The following COL19A1 variants were observed in gnomAD, a reference collection of about 807,000 sequenced individuals.
COL19A1 encodes the protein collagen type XIX alpha 1 chain.
A neutral mutation model predicts 190.2 loss-of-function variants in COL19A1; 159 were observed. The ratio of observed to expected loss-of-function variants is 0.84; its 90% CI spans 0.73 to 0.95. The LOEUF is 0.95. Among genes scored for constraint, COL19A1 ranks in the 40% least tolerant of loss-of-function variants. The pLI, the probability that COL19A1 is intolerant of heterozygous loss-of-function variation, is 0.00. For synonymous variants in COL19A1, 509 were observed against 458.9 expected (o/e 1.11, Z -1.39); for missense variants, 1,418 against 1,431.9 (o/e 0.99, Z 0.16).
Position 70,208,254 on chromosome 6 carries a change from A to G in COL19A1, c.*980A>G, listed in dbSNP as rs1768010729. 6.6e-6 allele frequency: 1 copy of G among 152,242 alleles called. No homozygotes were observed. Among genetic ancestry groups the G allele is most frequent in the Non-Finnish European group, 1.5e-5 (1 of 68,066 alleles). The allele number at this position is 152,242 out of a possible 1,614,324, so 9.4% of individuals were successfully genotyped here. ...AAGACAAGAAGCCACCATCAAAACA[A>G]AGGATGGGATACGTATAGAATGGAC... is the stretch of plus-strand genomic sequence containing the variant. On this transcript the variant is annotated 3_prime_UTR_variant, in exon 51 of 51. Transcript: ENST00000620364.
chr6:70,035,128 C>T (rs1779279607), intron 13 of COL19A1, among the ~76,000 whole-genome samples: 1 of 152,178 alleles, frequency 6.6e-6, no homozygotes, highest in Non-Finnish European at 1.5e-5. Flanking sequence ...CCTGGTACCC[C>T]ACGCTATACA....
Position 70,137,748 on chromosome 6 carries a change from G to A in COL19A1, c.1446+1G>A. 2 of 1,613,056 alleles carry A rather than the reference G, an allele frequency of 1.2e-6. No individual in the cohort carries two copies. Among genetic ancestry groups the A allele is most frequent in the Non-Finnish European group, 1.7e-6 (2 of 1,179,278 alleles). On this transcript the variant is annotated splice_donor_variant, in intron 19 of 50. Transcript: ENST00000620364. LOFTEE classifies it high-confidence loss of function. ...CCCTAAAGGACAAAAAGGAGAACCT[G>A]TAAGTATTTTAGCTTTGAGGACAGA...
At chr6:70,114,330 TA>T (rs1340794286) in intron 16 of COL19A1, among the ~76,000 whole-genome samples, 1 of 152,160 alleles carries the variant, frequency 6.6e-6, no homozygotes, top group African/African-American at 2.4e-5. Context: ...TGAGGTGGTT[TA>T]GGGGAAAGAG....
chr6:70,203,384 T>C (rs1767666251), intron 49 of COL19A1, among the ~76,000 whole-genome samples: 1 of 152,202 alleles, frequency 6.6e-6, no homozygotes, highest in African/African-American at 2.4e-5. Context: ...ATACATACTG[T>C]TTGTAGGAAG....
At chr6:70,137,583 T>C (rs1785947689) in intron 18 of COL19A1, 102 bp from the exon 19 acceptor site, 1 of 1,061,254 alleles carries the variant, frequency 9.4e-7, no homozygotes, top group Non-Finnish European at 1.4e-6. Flanking sequence ...AATAGATAAA[T>C]TGTATAGTTA....
At chr6:69,880,867 C>T (rs1212965287) in intron 2 of COL19A1, among the ~76,000 whole-genome samples, 1 of 152,190 alleles carries the variant, frequency 6.6e-6, no homozygotes, top group Admixed American at 6.5e-5. Flanking sequence ...TTCTACTCTT[C>T]TGAATTTGTC....
In COL19A1 at chr6:70,161,708, C is replaced by A. The variant is rs570155532; in HGVS notation, c.2293-192C>A. 1.4e-4 allele frequency among the ~76,000 whole-genome samples: 22 copies of A among 151,872 alleles called. 1 individual carries two copies. The highest frequency in any genetic ancestry group is 8.3e-4 in the South Asian group (4 of 4,800). ...TCCACATAACCGAAAATCACTTGCA[C>A]CCCTAAAGAAAAATTTTTATTTTTG... On this transcript the variant is annotated intron_variant, in intron 34 of 50. Coordinates refer to ENST00000620364, the MANE Select transcript of COL19A1 (RefSeq NM_001858.6).
intron 4 of COL19A1, among the ~76,000 whole-genome samples, chr6:69,926,059 C>G (rs1444506726): frequency 3.9e-5 from 6 of 152,032 alleles, no homozygotes; most frequent in Non-Finnish European, 7.4e-5. Flanking sequence ...TCCTCTTTTC[C>G]TAATTGAATA....
At chr6:69,879,819 T>C (rs13194248) in intron 2 of COL19A1, 161 bp downstream of exon 2, 2 of 664,472 alleles carry the variant, frequency 3.0e-6, no homozygotes, top group East Asian at 5.5e-5. Context: ...ATGATGCACA[T>C]TAGGAATTCC....
At chr6:69,969,806 AG>A (rs1775320212) in intron 11 of COL19A1, among the ~76,000 whole-genome samples, 2 of 152,186 alleles carry the variant, frequency 1.3e-5, no homozygotes, top group Admixed American at 6.5e-5. Flanking sequence ...CTCAGTTGCC[AG>A]GTTGGCTGAG....
intron 31 of COL19A1, among the ~76,000 whole-genome samples, chr6:70,154,118 C>T (rs1049113008): frequency 1.8e-5 from 2 of 113,068 alleles, no homozygotes; most frequent in African/African-American, 3.7e-5. Flanking sequence ...CCCCCCCCAA[C>T]CCCCCACAGG....
At chr6:70,073,006 A>G (rs1258228594) in intron 15 of COL19A1, among the ~76,000 whole-genome samples, 1 of 121,468 alleles carries the variant, frequency 8.2e-6, no homozygotes, top group African/African-American at 4.1e-5. Flanking sequence ...TTTATTATTG[A>G]GAGAGAGTTT....
At chr6:70,018,926 G>T (rs1298111144) in intron 11 of COL19A1, among the ~76,000 whole-genome samples, 3 of 152,074 alleles carry the variant, frequency 2.0e-5, no homozygotes, top group Non-Finnish European at 4.4e-5. Context: ...AGGATACCTT[G>T]CCAGGGCTGA....
At chr6:69,996,522 G>T (rs1048598920) in intron 11 of COL19A1, among the ~76,000 whole-genome samples, 1 of 151,798 alleles carries the variant, frequency 6.6e-6, no homozygotes, top group Non-Finnish European at 1.5e-5. Context: ...TTTCTTATTT[G>T]GAAAAAGAAG....
chr6:69,968,672 A>G (rs187219720), intron 11 of COL19A1, among the ~76,000 whole-genome samples: 200 of 152,282 alleles, frequency 1.3e-3, no homozygotes, highest in African/African-American at 4.6e-3. Context: ...AAATCTTTTT[A>G]CTTTTGTCAA....
At chr6:69,971,899 T>C (rs1364484541) in intron 11 of COL19A1, among the ~76,000 whole-genome samples, 1 of 152,218 alleles carries the variant, frequency 6.6e-6, no homozygotes, top group Admixed American at 6.5e-5. Flanking sequence ...TATGGTCAGA[T>C]GCATCTTTAC....
intron 49 of COL19A1, among the ~76,000 whole-genome samples, chr6:70,205,647 C>T (rs1275396059): frequency 1.3e-5 from 2 of 152,206 alleles, no homozygotes; most frequent in Non-Finnish European, 2.9e-5. Flanking sequence ...GAAACTCTTA[C>T]AGCATGGAAC....
chr6:70,081,075 A>G (rs979186677), intron 15 of COL19A1, among the ~76,000 whole-genome samples: 7 of 152,096 alleles, frequency 4.6e-5, no homozygotes, highest in African/African-American at 1.4e-4. Context: ...TTTCTTTTTA[A>G]TTTTGTCAAA....
chr6:70,006,604 T>A (rs534644424), intron 11 of COL19A1, among the ~76,000 whole-genome samples: 119 of 152,332 alleles, frequency 7.8e-4, no homozygotes, highest in Non-Finnish European at 1.5e-3. Flanking sequence ...CCCATCCAAA[T>A]TTTTAAATTT....
Sources: allele counts gnomAD v4.1 joint callset (sites outside exome capture counted in the v4.1 genomes callset), GRCh38; gene constraint gnomAD v4.1.1; transcripts MANE v1.5; gene names NCBI Gene and HGNC (gene_info 2026-07-23, HGNC 2026-07-21).